Variants in PAWR observed in about 807,000 individuals in gnomAD.
PAWR encodes pro-apoptotic WT1 regulator, also known as PRKC apoptosis WT1 regulator protein.
A neutral mutation model predicts 32.0 loss-of-function variants in PAWR; 23 were observed. The ratio of observed to expected loss-of-function variants is 0.72; its 90% CI spans 0.52 to 1.02. The LOEUF is 1.02. Among genes scored for constraint, PAWR ranks in the 50% least tolerant of loss-of-function variants. The probability of loss-of-function intolerance (pLI) is 0.00; values close to 1 mark genes in which losing one functional copy is unlikely to be tolerated. For missense variants in PAWR, 457 were observed against 437.7 expected (o/e 1.04, Z -0.39); for synonymous variants, 226 against 187.1 (o/e 1.21, Z -1.70).
At chr12:79,615,691 G>C (rs538085010) in intron 3 of PAWR, among the ~76,000 whole-genome samples, 2 of 152,218 alleles carry the variant, frequency 1.3e-5, no homozygotes, top group African/African-American at 4.8e-5. Flanking sequence ...ATTTAATGTC[G>C]AAAGAAATAT....
chr12:79,677,861 A>C lies in PAWR; in HGVS notation c.516+11868T>G, dbSNP rs139508485. Among the ~76,000 whole-genome samples, 625 of 152,328 alleles carry C rather than the reference A, an allele frequency of 4.1e-3. 12 individuals are homozygous for C. The highest frequency in any genetic ancestry group is 0.014 in the African/African-American group (593 of 41,574). ...GAATGCAATAAACTGGTTTTATATT[A>C]AAGTGCAGGGCAAAGTACAAACTCA... is the stretch of plus-strand genomic sequence containing the variant. On this transcript the variant is annotated intron_variant, in intron 2 of 6. Transcript: ENST00000328827.
chr12:79,640,417 A>G (rs745619022), intron 2 of PAWR, among the ~76,000 whole-genome samples: 1 of 152,134 alleles, frequency 6.6e-6, no homozygotes, highest in Non-Finnish European at 1.5e-5. Context: ...CTTTATGACC[A>G]AGAAAGACTC....
chr12:79,605,529 T>TA (rs376227942), intron 4 of PAWR, among the ~76,000 whole-genome samples: 68 of 150,074 alleles, frequency 4.5e-4, no homozygotes, highest in Admixed American at 2.3e-3. Flanking sequence ...CTTTTTTTTT[T>TA]AAAAAAAAAG....
chr12:79,600,287 A>C (rs1288409182), intron 4 of PAWR, among the ~76,000 whole-genome samples: 1 of 152,188 alleles, frequency 6.6e-6, no homozygotes, highest in Admixed American at 6.5e-5. Context: ...TTTTGTCATC[A>C]GTAAATCTGA....
intron 2 of PAWR, among the ~76,000 whole-genome samples, chr12:79,660,278 A>C (rs917429062): frequency 1.1e-4 from 16 of 152,330 alleles, no homozygotes; most frequent in African/African-American, 3.4e-4. Context: ...GGCAATCTTC[A>C]TAGTGGCACT....
At chr12:79,604,405 T>G in intron 4 of PAWR, 1 of 1,019,532 alleles carries the variant, frequency 9.8e-7, no homozygotes, top group Non-Finnish European at 1.2e-6. Context: ...TGGGGAAAAT[T>G]ACACTATTAT....
Position 79,665,809 on chromosome 12 carries a change from TA to T in PAWR, c.516+23919del, listed in dbSNP as rs760089172. The stretch of plus-strand genomic sequence containing the variant: ...TTTTGAAGCAATTCTGGAAGCAAAT[TA>T]GTTGAGTTTTATAAAATCAAACTGC... On this transcript the variant is annotated intron_variant, in intron 2 of 6. Coordinates refer to ENST00000328827, the MANE Select transcript of PAWR (RefSeq NM_002583.4). Among the ~76,000 whole-genome samples, 11 of 152,328 alleles carry T rather than the reference TA, an allele frequency of 7.2e-5. 1 individual carries two copies. The highest frequency in any genetic ancestry group is 3.9e-4 in the Admixed American group (6 of 15,298).
At chr12:79,679,760 G>A (rs919834680) in intron 2 of PAWR, among the ~76,000 whole-genome samples, 2 of 152,272 alleles carry the variant, frequency 1.3e-5, no homozygotes, top group African/African-American at 4.8e-5. Flanking sequence ...CTACATTAAT[G>A]TTTTGTTTTT....
At chr12:79,654,403 AC>A (rs1309570109) in intron 2 of PAWR, among the ~76,000 whole-genome samples, 1 of 144,800 alleles carries the variant, frequency 6.9e-6, no homozygotes, top group African/African-American at 2.9e-5. Context: ...TTTCTAACAC[AC>A]TGGTTCAAAA....
intron 3 of PAWR, among the ~76,000 whole-genome samples, chr12:79,618,907 A>G (rs896577570): frequency 4.0e-5 from 6 of 149,100 alleles, no homozygotes; most frequent in South Asian, 2.1e-4. Context: ...CTAAATAGGG[A>G]AAAAAAAAAT....
At chr12:79,613,654 C>T in intron 3 of PAWR, 45 bp from the exon 4 acceptor site, 2 of 1,017,078 alleles carry the variant, frequency 2.0e-6, no homozygotes, top group Non-Finnish European at 3.0e-6. Flanking sequence ...TATGTATGTA[C>T]ACAATTACTT....
chr12:79,656,921 T>C (rs1040742965), intron 2 of PAWR, among the ~76,000 whole-genome samples: 1 of 152,074 alleles, frequency 6.6e-6, no homozygotes, highest in African/African-American at 2.4e-5. Flanking sequence ...ATTGAAAAGA[T>C]GGAAATGGGA....
intron 2 of PAWR, chr12:79,668,235 A>G (rs1877707577): frequency 6.6e-6 from 1 of 152,224 alleles, no homozygotes; most frequent in Admixed American, 6.5e-5. Flanking sequence ...GTTTCAAGTT[A>G]GAAGAAAATG....
intron 2 of PAWR, among the ~76,000 whole-genome samples, chr12:79,687,457 A>C (rs1328721971): frequency 6.6e-6 from 1 of 152,228 alleles, no homozygotes; most frequent in East Asian, 1.9e-4. Flanking sequence ...TATGAACTAC[A>C]TGTTAATCTA....
In PAWR at chr12:79,653,854, G is replaced by A. The variant is rs571326884; in HGVS notation, c.517-32647C>T. Among the ~76,000 whole-genome samples the A allele has an allele frequency of 8.5e-5, 13 of 152,284 alleles. No individual in the cohort carries two copies. In the South Asian group the frequency reaches 2.3e-3, roughly 27 times the overall value. ...ATTCAAATTCTTTTTTTAGAAAAATGTTAGACAAACTATTTTAACTGTAGA... is the reference window on the plus strand; with the variant it reads ...ATTCAAATTCTTTTTTTAGAAAAATATTAGACAAACTATTTTAACTGTAGA... On this transcript the variant is annotated intron_variant, in intron 2 of 6. Transcript: ENST00000328827.
intron 2 of PAWR, among the ~76,000 whole-genome samples, chr12:79,679,006 TCCTG>T (rs971664597): frequency 3.3e-5 from 5 of 151,980 alleles, no homozygotes; most frequent in African/African-American, 7.3e-5. Context: ...CAAGCAATCC[TCCTG>T]CCTAAGTCTC....
At chr12:79,663,796 A>C (rs1877465070) in intron 2 of PAWR, among the ~76,000 whole-genome samples, 1 of 152,176 alleles carries the variant, frequency 6.6e-6, no homozygotes, top group Non-Finnish European at 1.5e-5. Flanking sequence ...ATTTATTTTA[A>C]AAGCACAGTG....
At chr12:79,642,806 CA>C (rs8176839) in intron 2 of PAWR, among the ~76,000 whole-genome samples, 21 of 152,072 alleles carry the variant, frequency 1.4e-4, no homozygotes, top group African/African-American at 5.1e-4. Context: ...TTATTGGAAC[CA>C]AAAATAAAAC....
intron 2 of PAWR, among the ~76,000 whole-genome samples, chr12:79,673,001 A>G (rs1474161805): frequency 6.6e-6 from 1 of 152,192 alleles, no homozygotes; most frequent in Non-Finnish European, 1.5e-5. Context: ...TGATTACTTA[A>G]TATTATCAAA....
Sources: gnomAD v4.1 joint callset for allele counts (sites outside exome capture counted in the v4.1 genomes callset) on GRCh38, gnomAD v4.1.1 for gene constraint, MANE v1.5 for transcripts, NCBI Gene and HGNC (gene_info 2026-07-23, HGNC 2026-07-21) for gene names.